Variants in MCC observed in about 807,000 individuals in gnomAD.
MCC encodes MCC regulator of Wnt signaling pathway.
Under a neutral mutation model 116.2 loss-of-function variants are expected in MCC, and 90 were observed. The observed-to-expected ratio is 0.77, with a 90% CI of 0.65 to 0.92. The LOEUF (loss-of-function observed/expected upper bound fraction) is 0.92. Ranked by LOEUF, MCC falls within the 40% of genes least tolerant of loss-of-function variation. The pLI is 0.00. For synonymous variants in MCC, 578 were observed against 510.5 expected (o/e 1.13, Z -1.78); for missense variants, 1,516 against 1,312.2 (o/e 1.16, Z -2.40).
At chr5:113,347,336 TG>T (rs1384708209) in intron 2 of MCC, among the ~76,000 whole-genome samples, 3 of 151,880 alleles carry the variant, frequency 2.0e-5, no homozygotes, top group Non-Finnish European at 4.4e-5. Context: ...AGTTAAAAAC[TG>T]GGGGGAAGAT....
chr5:113,293,172 G>A lies in MCC; in HGVS notation c.627+47347C>T, dbSNP rs556261967. Among the ~76,000 whole-genome samples, 10 of 152,096 alleles carry A rather than the reference G, an allele frequency of 6.6e-5. No individual in the cohort carries two copies. The East Asian group carries it at 1.9e-3, about 29-fold the overall frequency. ...CCCAATAGCATTCACCAGCCCGACG[G>A]CAGACCTCCTAGGTTTCCCCCAACC... On this transcript the variant is annotated intron_variant, in intron 3 of 18. Coordinates refer to ENST00000408903, the MANE Select transcript of MCC (RefSeq NM_001085377.2).
chr5:113,366,479 C>T (rs776476151), intron 2 of MCC, among the ~76,000 whole-genome samples: 1 of 152,096 alleles, frequency 6.6e-6, no homozygotes, highest in Admixed American at 6.6e-5. Flanking sequence ...TTTAATATTT[C>T]GAGGGTAATA....
At chr5:113,384,237 T>G (rs550642079) in intron 2 of MCC, among the ~76,000 whole-genome samples, 1 of 152,324 alleles carries the variant, frequency 6.6e-6, no homozygotes, top group South Asian at 2.1e-4. Context: ...GTAAGAAATA[T>G]AAACTTATGA....
intron 3 of MCC, among the ~76,000 whole-genome samples, chr5:113,173,037 A>G (rs1052623195): frequency 2.0e-5 from 3 of 152,154 alleles, no homozygotes; most frequent in African/African-American, 4.8e-5. Context: ...AGTTTGATGT[A>G]TATAACAGAT....
At chr5:113,197,296 A>G (rs1581238926) in intron 3 of MCC, among the ~76,000 whole-genome samples, 1 of 152,074 alleles carries the variant, frequency 6.6e-6, no homozygotes, top group Non-Finnish European at 1.5e-5. Context: ...TAGGCAAACA[A>G]AGAGAGAGGA....
At chr5:113,155,660 G>A (rs149118733) in intron 3 of MCC, among the ~76,000 whole-genome samples, 29 of 152,240 alleles carry the variant, frequency 1.9e-4, no homozygotes, top group African/African-American at 6.5e-4. Flanking sequence ...TCATATTCTG[G>A]TTTCTGAAAT....
chr5:113,348,303 A>C (rs2150381164), intron 2 of MCC, among the ~76,000 whole-genome samples: 1 of 152,264 alleles, frequency 6.6e-6, no homozygotes, highest in Non-Finnish European at 1.5e-5. Flanking sequence ...AGGATAGAAT[A>C]TATTTTAGGT....
chr5:113,243,259 C>A (rs1402967754), intron 3 of MCC, among the ~76,000 whole-genome samples: 1 of 152,102 alleles, frequency 6.6e-6, no homozygotes, highest in Non-Finnish European at 1.5e-5. Flanking sequence ...GGTAATGAAT[C>A]ATCAGCACAT....
chr5:113,295,713 G>C (rs1353226746), intron 3 of MCC, among the ~76,000 whole-genome samples: 1 of 152,182 alleles, frequency 6.6e-6, no homozygotes, highest in Non-Finnish European at 1.5e-5. Flanking sequence ...TGTCTATTGG[G>C]AGAGAGATGA....
chr5:113,293,835 G>T (rs929886549), intron 3 of MCC, among the ~76,000 whole-genome samples: 3 of 152,138 alleles, frequency 2.0e-5, no homozygotes, highest in Non-Finnish European at 4.4e-5. Context: ...GCCTAGGGAA[G>T]AGACCACCTT....
At chr5:113,094,423 C>CTTTT (rs397798890) in intron 8 of MCC, among the ~76,000 whole-genome samples, 3 of 134,764 alleles carry the variant, frequency 2.2e-5, no homozygotes, top group Admixed American at 7.4e-5. Flanking sequence ...GGCAATCTTC[C>CTTTT]TTTTTTTTTT....
At chr5:113,438,980 C>G (rs751447690) in intron 1 of MCC, among the ~76,000 whole-genome samples, 4 of 152,146 alleles carry the variant, frequency 2.6e-5, no homozygotes, top group Non-Finnish European at 5.9e-5. Context: ...GATCCCCTGG[C>G]TGGGAGGTCA....
intron 3 of MCC, among the ~76,000 whole-genome samples, chr5:113,304,590 T>C (rs1023586982): frequency 7.2e-5 from 11 of 152,252 alleles, no homozygotes; most frequent in African/African-American, 2.7e-4. Context: ...ACCCCTTCAC[T>C]GTCTGATTAG....
At chr5:113,027,699 T>C (rs1417448968) in intron 18 of MCC, among the ~76,000 whole-genome samples, 1 of 151,704 alleles carries the variant, frequency 6.6e-6, no homozygotes. Context: ...CCCTGATGAA[T>C]CCAGCCGGAT....
In MCC at chr5:113,068,330, G is replaced by A. The variant is rs551992201; in HGVS notation, c.1926-147C>T. ...AGGAAACCACCCATGAATATTCCCA[G>A]GGCAGGGCCAGTGGCTTGCTCTTTC... On this transcript the variant is annotated intron_variant, in intron 12 of 18. Coordinates refer to ENST00000408903, the MANE Select transcript of MCC (RefSeq NM_001085377.2). 7.3e-5 allele frequency: 45 copies of A among 617,722 alleles called. No individual in the cohort carries two copies. In the East Asian group the frequency reaches 1.2e-3, roughly 17 times the overall value. 38.3% of individuals were successfully genotyped at this position (617,722 alleles called of 1,614,324 possible).
At chr5:113,319,698 G>A (rs562255921) in intron 3 of MCC, among the ~76,000 whole-genome samples, 5 of 152,226 alleles carry the variant, frequency 3.3e-5, no homozygotes, top group Admixed American at 1.3e-4. Context: ...ATTAAGCATA[G>A]AGCTAAAAAT....
At chr5:113,293,168 G>A (rs1225132187) in intron 3 of MCC, among the ~76,000 whole-genome samples, 2 of 152,058 alleles carry the variant, frequency 1.3e-5, no homozygotes, top group African/African-American at 2.4e-5. Context: ...TCACCAGCCC[G>A]ACGGCAGACC....
intron 3 of MCC, among the ~76,000 whole-genome samples, chr5:113,262,382 T>G (rs972786377): frequency 6.6e-6 from 1 of 152,116 alleles, no homozygotes; most frequent in Admixed American, 6.6e-5. Context: ...ATTTTTCTGG[T>G]CTAATAATTA....
intron 3 of MCC, among the ~76,000 whole-genome samples, chr5:113,322,660 CAAAAG>C (rs1561523441): frequency 1.3e-5 from 2 of 152,164 alleles, no homozygotes; most frequent in African/African-American, 4.8e-5. Context: ...AATCAGCTAT[CAAAAG>C]ATAAGAGTTT....
Sources: allele counts gnomAD v4.1 joint callset (sites outside exome capture counted in the v4.1 genomes callset), GRCh38; gene constraint gnomAD v4.1.1; transcripts MANE v1.5; gene names NCBI Gene and HGNC (gene_info 2026-07-23, HGNC 2026-07-21).